NEO1: variants seen among roughly 807,000 people sequenced by gnomAD.
NEO1 encodes neogenin 1.
A neutral mutation model predicts 159.7 loss-of-function variants in NEO1; 63 were observed. The observed-to-expected ratio is 0.39, with a 90% confidence interval of 0.32 to 0.49. The LOEUF is 0.49. Among genes scored for constraint, NEO1 ranks in the 20% least tolerant of loss-of-function variants. The probability of loss-of-function intolerance (pLI) is 0.85; values close to 1 mark genes in which losing one functional copy is unlikely to be tolerated. For synonymous variants in NEO1, 633 were observed against 662.0 expected, an observed-to-expected ratio of 0.96 and a Z score of 0.67; for missense variants, 1,615 against 1,831.0, an observed-to-expected ratio of 0.88 and a Z score of 2.15.
At chr15:73,268,387 T>G (rs2041014554) in intron 16 of NEO1, among the ~76,000 whole-genome samples, 1 of 152,226 alleles carries the variant, frequency 6.6e-6, no homozygotes, top group Non-Finnish European at 1.5e-5. Context: ...TAGATATGTT[T>G]TCTAAGGGTT....
In NEO1 at chr15:73,249,637, G is replaced by A; in HGVS notation, c.1810G>A (p.Glu604Lys). The part of the protein sequence containing the change: ...YTINGLKKYT[E>K]YSFRVVAYNK... Reference sequence around the variant, plus strand: ...CATTAATGGGTTGAAAAAATATACAGAGTATAGTTTCCGAGTGGTGGCCTA... The same window carrying A: ...CATTAATGGGTTGAAAAAATATACAAAGTATAGTTTCCGAGTGGTGGCCTA... The change falls in exon 11 of 29, where the codon GAG (glutamate) becomes AAG (lysine). Residue 604 changes from glutamate (E) to lysine (K), a missense_variant. Coordinates refer to ENST00000261908, the MANE Select transcript of NEO1 (RefSeq NM_002499.4). 1 of 1,613,602 alleles carries A rather than the reference G, an allele frequency of 6.2e-7. No individual in the cohort carries two copies. The highest frequency in any genetic ancestry group is 2.2e-5 in the East Asian group (1 of 44,862).
chr15:73,126,119 T>C (rs1229863198), intron 3 of NEO1, among the ~76,000 whole-genome samples: 1 of 152,222 alleles, frequency 6.6e-6, no homozygotes, highest in African/African-American at 2.4e-5. Context: ...GAGAAGTGTT[T>C]GCTAATTTGA....
chr15:73,244,573 A>T, intron 9 of NEO1, 75 bp downstream of exon 9: 1 of 1,494,410 alleles, frequency 6.7e-7, no homozygotes, highest in Non-Finnish European at 9.1e-7. Context: ...TTAGCCTTGC[A>T]CACCATAGGG....
At chr15:73,273,709 A>G (rs2041279426) in intron 19 of NEO1, 102 bp from the exon 20 acceptor site, 1 of 814,154 alleles carries the variant, frequency 1.2e-6, no homozygotes, top group East Asian at 2.7e-5. Flanking sequence ...TTCAAATATT[A>G]TGCTATAATA....
chr15:73,176,662 C>T (rs1596263558), intron 6 of NEO1, 105 bp downstream of exon 6: 1 of 758,688 alleles, frequency 1.3e-6, no homozygotes, highest in Non-Finnish European at 2.0e-6. Context: ...TTGTGTACTG[C>T]AAATGAAATA....
At chr15:73,281,571 A>T (rs1002341869) in intron 22 of NEO1, among the ~76,000 whole-genome samples, 4 of 152,186 alleles carry the variant, frequency 2.6e-5, no homozygotes, top group South Asian at 2.1e-4. Context: ...ATTTTTTTTT[A>T]AAACACACAT....
Position 73,249,696 on chromosome 15 carries a change from T to A in NEO1, c.1869T>A (p.Asp623Glu). Residue 623 changes from aspartate to glutamate, a missense_variant, in exon 11 of 29, where the codon GAT (aspartate) becomes GAA (glutamate). Transcript: ENST00000261908. ...NKHGPGVSTP[D>E]VAVRTLSDVP... ...ATGGTCCTGGAGTTTCCACACCAGA[T>A]GTTGCTGTTCGAACATTGTCAGATG... The A allele has an allele frequency of 6.2e-7, 1 of 1,612,554 alleles. No individual in the cohort carries two copies. Among genetic ancestry groups the A allele is most frequent in the Non-Finnish European group, 8.5e-7 (1 of 1,179,576 alleles).
At chr15:73,163,213 A>G (rs1043757858) in intron 5 of NEO1, among the ~76,000 whole-genome samples, 1 of 152,062 alleles carries the variant, frequency 6.6e-6, no homozygotes, top group Non-Finnish European at 1.5e-5. Flanking sequence ...CATGTTAATC[A>G]TTTATTCTGC....
chr15:73,236,189 TTTTG>T (rs1439934114), intron 7 of NEO1, 154 bp from the exon 8 acceptor site: 9 of 952,978 alleles, frequency 9.4e-6, no homozygotes, highest in Non-Finnish European at 1.1e-5. Flanking sequence ...CCCATCGTGG[TTTTG>T]TTTATTTCTT....
intron 5 of NEO1, among the ~76,000 whole-genome samples, chr15:73,149,027 A>G (rs746145957): frequency 1.1e-4 from 16 of 152,096 alleles, no homozygotes; most frequent in Non-Finnish European, 1.3e-4. Flanking sequence ...TTTCAAATAC[A>G]GAGTTTTGTC....
chr15:73,279,415 C>T (rs1489616771), intron 22 of NEO1, among the ~76,000 whole-genome samples: 1 of 138,694 alleles, frequency 7.2e-6, no homozygotes, highest in Non-Finnish European at 1.5e-5. Context: ...GTGGCATGAT[C>T]TCAGTTCACT....
At chr15:73,209,617 A>T (rs2037435251) in intron 7 of NEO1, among the ~76,000 whole-genome samples, 1 of 152,254 alleles carries the variant, frequency 6.6e-6, no homozygotes, top group Non-Finnish European at 1.5e-5. Context: ...ATACTTGAAC[A>T]TTCATACATA....
At position 73,288,526 on chromosome 15, in the gene NEO1, C is replaced by G; in HGVS notation, c.3624C>G (p.Ile1208Met). 6.2e-7 allele frequency: 1 copy of G among 1,614,084 alleles called. No individual in the cohort carries two copies. Among genetic ancestry groups the G allele is most frequent in the East Asian group, 2.2e-5 (1 of 44,878 alleles). ...TPVDNSMDSN[I>M]HQRRNSYRGH... ...TTGACAACTCCATGGACAGCAATAT[C>G]CATCAAAGGCGAAATTCATACAGAG... Residue 1208 changes from isoleucine to methionine, a missense_variant, in exon 24 of 29, where the codon ATC (isoleucine) becomes ATG (methionine). Coordinates refer to ENST00000261908, the MANE Select transcript of NEO1 (RefSeq NM_002499.4).
intron 21 of NEO1, among the ~76,000 whole-genome samples, chr15:73,276,112 G>A (rs572687873): frequency 2.8e-4 from 43 of 152,250 alleles, no homozygotes; most frequent in African/African-American, 1.0e-3. Context: ...ATATAAATGG[G>A]CTCATTGTTT....
chr15:73,279,302 A>G (rs1053730088), intron 22 of NEO1, among the ~76,000 whole-genome samples: 1 of 145,536 alleles, frequency 6.9e-6, no homozygotes, highest in African/African-American at 2.5e-5. Context: ...TCTTTCTTTC[A>G]TTCATGTATT....
intron 5 of NEO1, among the ~76,000 whole-genome samples, chr15:73,170,084 G>T (rs1035557862): frequency 6.6e-6 from 1 of 151,972 alleles, no homozygotes; most frequent in South Asian, 2.1e-4. Context: ...TATCCAGTTG[G>T]TAATACAGCC....
intron 22 of NEO1, among the ~76,000 whole-genome samples, chr15:73,279,053 G>T (rs2041551077): frequency 6.6e-6 from 1 of 152,166 alleles, no homozygotes; most frequent in Non-Finnish European, 1.5e-5. Context: ...TAGTCTAATT[G>T]TAGGAATACG....
intron 7 of NEO1, among the ~76,000 whole-genome samples, chr15:73,207,245 AC>A (rs2037291718): frequency 6.6e-6 from 1 of 152,216 alleles, no homozygotes; most frequent in Admixed American, 6.5e-5. Context: ...CATTACTTAA[AC>A]ACAGTAAAGT....
At chr15:73,056,718 C>G (rs1056283123) in intron 1 of NEO1, among the ~76,000 whole-genome samples, 3 of 152,150 alleles carry the variant, frequency 2.0e-5, no homozygotes, top group African/African-American at 7.2e-5. Context: ...ATCCTTAATT[C>G]CTTCAGCCAC....
Sources: allele counts gnomAD v4.1 joint callset (sites outside exome capture counted in the v4.1 genomes callset), GRCh38; gene constraint gnomAD v4.1.1; transcripts MANE v1.5; gene names NCBI Gene and HGNC (gene_info 2026-07-23, HGNC 2026-07-21).